CUZD1: variants seen among roughly 807,000 people sequenced by gnomAD.
The protein encoded by CUZD1 is CUB and zona pellucida like domains 1, also known as CUB and zona pellucida-like domain-containing protein 1.
CUZD1 carries 42 observed loss-of-function variants against 53.1 expected under a neutral mutation model. That is an observed-to-expected ratio of 0.79 (90% CI 0.62 to 1.02). The LOEUF is 1.02. Ranked by LOEUF, CUZD1 falls within the 50% of genes least tolerant of loss-of-function variation. The probability of loss-of-function intolerance (pLI) is 0.00; values close to 1 mark genes in which losing one functional copy is unlikely to be tolerated. For synonymous variants in CUZD1, 238 were observed against 257.2 expected (o/e 0.93, Z 0.71); for missense variants, 670 against 715.7 (o/e 0.94, Z 0.73).
At chr10:122,834,550 T>C (rs1340339564) in intron 7 of CUZD1, among the ~76,000 whole-genome samples, 156 bp downstream of exon 7, 1 of 152,220 alleles carries the variant, frequency 6.6e-6, no homozygotes, top group South Asian at 2.1e-4. Context: ...AATTAGTACA[T>C]AGTAACTATT....
At chr10:122,839,327 G>A (rs1007879407) in intron 2 of CUZD1, 96 bp from the exon 3 acceptor site, 11 of 1,045,052 alleles carry the variant, frequency 1.1e-5, no homozygotes, top group Non-Finnish European at 1.6e-5. Context: ...AATTTACAAA[G>A]TGGTGGCACA....
intron 1 of CUZD1, among the ~76,000 whole-genome samples, chr10:122,842,346 A>G (rs769657592): frequency 6.6e-5 from 10 of 152,206 alleles, no homozygotes; most frequent in African/African-American, 9.6e-5. Context: ...TGGGTGTCCA[A>G]TTGTTCCAAG....
intron 8 of CUZD1, among the ~76,000 whole-genome samples, chr10:122,833,177 C>G (rs1447040434): frequency 6.6e-6 from 1 of 152,106 alleles, no homozygotes; most frequent in African/African-American, 2.4e-5. Context: ...TCCTTTCATG[C>G]ATCTGGGCAG....
intron 3 of CUZD1, chr10:122,837,822 T>C (rs193213801): frequency 1.9e-4 from 58 of 312,604 alleles, no homozygotes; most frequent in Admixed American, 3.6e-4. Context: ...GAGACTCCCA[T>C]TACCTGAATT....
chr10:122,834,025 G>T lies in CUZD1; in HGVS notation c.1383-85C>A, dbSNP rs553516556. On this transcript the variant is annotated intron_variant, in intron 7 of 8. Coordinates refer to ENST00000392790, the MANE Select transcript of CUZD1 (RefSeq NM_022034.6). ...TAAAAAGTTTTCTCTCAACTAAGTT[G>T]TGAATCCAAAAATCTCTCTCAAAAG... 8.0e-5 allele frequency: 97 copies of T among 1,214,350 alleles called. No individual in the cohort carries two copies. In the African/African-American group the frequency reaches 1.2e-3, roughly 15 times the overall value. 75.2% of individuals were successfully genotyped at this position (1,214,350 alleles called of 1,614,324 possible).
At chr10:122,840,415 C>A (rs369438745) in intron 2 of CUZD1, among the ~76,000 whole-genome samples, 1 of 152,024 alleles carries the variant, frequency 6.6e-6, no homozygotes, top group African/African-American at 2.4e-5. Flanking sequence ...CTGGGACAGG[C>A]GTAAGAGGGG....
intron 1 of CUZD1, among the ~76,000 whole-genome samples, chr10:122,841,697 C>G (rs746768818): frequency 5.4e-4 from 82 of 152,162 alleles, no homozygotes; most frequent in Non-Finnish European, 1.0e-3. Flanking sequence ...AAACCATTTG[C>G]CAGAGTAGCT....
rs1331266627 is a variant in CUZD1 at position 122,836,924 on chromosome 10, A to G, written c.724T>C (p.Ser242Pro). Residue 242 changes from serine to proline, a missense_variant, in exon 5 of 9, where the codon TCT becomes CCT. Ser to Pro is a moderately conservative substitution (Grantham distance 74). Transcript: ENST00000392790. Reference sequence around the variant, plus strand: ...TCTGTAGACAACACGACAGTCAGAGAGTTTGATGACGATTCGAAGGTGGGA... The same window carrying G: ...TCTGTAGACAACACGACAGTCAGAGGGTTTGATGACGATTCGAAGGTGGGA... ...VTPTFESSSNSLTVVLSTDYA... is the reference protein window; with the variant it reads ...VTPTFESSSNPLTVVLSTDYA... The G allele has an allele frequency of 3.7e-6, 6 of 1,613,998 alleles. No individual in the cohort carries two copies. The South Asian group carries it at 5.5e-5, about 15-fold the overall frequency.
chr10:122,838,652 GT>G (rs1847290100), intron 3 of CUZD1, among the ~76,000 whole-genome samples: 1 of 152,148 alleles, frequency 6.6e-6, no homozygotes, highest in Non-Finnish European at 1.5e-5. Flanking sequence ...AGATACCAGG[GT>G]TACTATTAAA....
At position 122,833,739 on chromosome 10, in the gene CUZD1, T is replaced by C. The variant is rs1181736679; in HGVS notation, c.1584A>G (p.Lys528=). 3.1e-6 allele frequency: 5 copies of C among 1,613,882 alleles called. No homozygotes were observed. Among genetic ancestry groups the C allele is most frequent in the Non-Finnish European group, 4.2e-6 (5 of 1,179,968 alleles). ...SRSKRDISSY[K]WKTDSIIGPI... ...GTCCTATGATGGAATCTGTTTTCCA[T>C]TTATATGAAGAAATGTCTCGTTTGC... The change falls in exon 8 of 9, where the codon AAA becomes AAG. Residue 528 remains lysine, a synonymous_variant. Coordinates refer to ENST00000392790, the MANE Select transcript of CUZD1 (RefSeq NM_022034.6).
intron 2 of CUZD1, among the ~76,000 whole-genome samples, chr10:122,840,088 C>G (rs1322526329): frequency 6.6e-6 from 1 of 152,208 alleles, no homozygotes; most frequent in Non-Finnish European, 1.5e-5. Context: ...CCCACAATTT[C>G]TCTTCCCCTC....
chr10:122,844,973 C>T (rs998873457), intron 1 of CUZD1, among the ~76,000 whole-genome samples: 1 of 152,016 alleles, frequency 6.6e-6, no homozygotes, highest in Admixed American at 6.6e-5. Flanking sequence ...ATTTAAAATG[C>T]TTGAATGTAT....
rs369745931 is a variant in CUZD1, at chr10:122,841,344, G to A, written c.83-16C>T. The A allele has an allele frequency of 8.9e-6, 14 of 1,579,444 alleles. No individual in the cohort carries two copies. The African/African-American group carries it at 1.9e-4, about 21-fold the overall frequency. On this transcript the variant is annotated splice_polypyrimidine_tract_variant and intron_variant, in intron 1 of 8. Coordinates refer to ENST00000392790, the MANE Select transcript of CUZD1 (RefSeq NM_022034.6). ...CTTGCATTGCCTGTTAGAGATCACA[G>A]ATGGCACTCAGGAAAGTCAACAGGC... is the stretch of plus-strand genomic sequence containing the variant.
chr10:122,838,548 G>C (rs1388730565), intron 3 of CUZD1, among the ~76,000 whole-genome samples: 1 of 152,066 alleles, frequency 6.6e-6, no homozygotes, highest in South Asian at 2.1e-4. Context: ...AGAATCATCC[G>C]GGGGACTTGT....
Position 122,841,255 on chromosome 10 carries a change from GA to G in CUZD1, c.155del (p.Leu52ProfsTer11), listed in dbSNP as rs754687984. The G allele has an allele frequency of 6.2e-7, 1 of 1,614,044 alleles. No homozygotes were observed. The highest frequency in any genetic ancestry group is 8.5e-7 in the Non-Finnish European group (1 of 1,179,926). The part of the protein sequence containing the change: ...AETHKAMILQ[L>X]NPSENCTWTI... ...TCCAGGTGCAGTTCTCACTGGGATT[GA>G]GTTGCAGGATCATGGCTTTGTGGGT... On this transcript the variant is annotated frameshift_variant, in exon 2 of 9. Coordinates refer to ENST00000392790, the MANE Select transcript of CUZD1 (RefSeq NM_022034.6). LOFTEE classifies it high-confidence loss of function.
Position 122,841,247 on chromosome 10 carries a change from C to G in CUZD1, c.164G>C (p.Ser55Thr). The G allele has an allele frequency of 6.2e-7, 1 of 1,614,094 alleles. No individual in the cohort carries two copies. Among genetic ancestry groups the G allele is most frequent in the Non-Finnish European group, 8.5e-7 (1 of 1,179,952 alleles). ...HKAMILQLNP[S>T]ENCTWTIERP... The stretch of plus-strand genomic sequence containing the variant: ...TTCTATTGTCCAGGTGCAGTTCTCA[C>G]TGGGATTGAGTTGCAGGATCATGGC... Residue 55 changes from serine to threonine, a missense_variant, in exon 2 of 9, where the codon AGT (serine) becomes ACT (threonine). By Grantham distance (58) the Ser-to-Thr change is moderately conservative. Transcript: ENST00000392790.
rs200209970 is a variant in CUZD1, at chr10:122,837,544, G to A, written c.459C>T (p.Asn153=). The A allele has an allele frequency of 1.8e-4, 286 of 1,570,304 alleles. No individual in the cohort carries two copies. The highest frequency in any genetic ancestry group is 2.5e-4 in the Admixed American group (13 of 51,044). ...YFFSPNISIP[N]CGGYLDTLEG... ...CCAAGGTATCCAGGTAACCGCCACA[G>A]TTTGGAATAGCTGAAATGGATGTGA... is the stretch of plus-strand genomic sequence containing the variant. The change falls in exon 4 of 9, where the codon AAC becomes AAT. Residue 153 remains asparagine, a synonymous_variant. Transcript: ENST00000392790.
chr10:122,834,851 G>A lies in CUZD1; in HGVS notation c.1237C>T (p.Pro413Ser), dbSNP rs555857606. ...GTTTGGTTCAAATCCACATAATATGGTGATTCAAGTATAGTCTTTTCAAAT... is the reference window on the plus strand; with the variant it reads ...GTTTGGTTCAAATCCACATAATATGATGATTCAAGTATAGTCTTTTCAAAT... ...NSFEKTILES[P>S]YYVDLNQTLF... The change falls in exon 7 of 9, where the codon CCA becomes TCA. Residue 413 changes from proline to serine, a missense_variant. Transcript: ENST00000392790. 6.2e-6 allele frequency: 10 copies of A among 1,613,748 alleles called. No homozygotes were observed. The Admixed American group carries it at 1.2e-4, about 19-fold the overall frequency.
At chr10:122,836,682 T>C (rs902679080) in intron 5 of CUZD1, 149 bp downstream of exon 5, 5 of 641,128 alleles carry the variant, frequency 7.8e-6, no homozygotes, top group Admixed American at 2.9e-5. Flanking sequence ...ACAGAAATGA[T>C]TGTCAAGCTT....
Sources: allele counts gnomAD v4.1 joint callset (sites outside exome capture counted in the v4.1 genomes callset), GRCh38; gene constraint gnomAD v4.1.1; transcripts MANE v1.5; gene names NCBI Gene and HGNC (gene_info 2026-07-23, HGNC 2026-07-21).